The following BFSP1 variants were observed in gnomAD, a reference collection of about 807,000 sequenced individuals.
BFSP1 encodes filensin.
Under a neutral mutation model 43.9 loss-of-function variants are expected in BFSP1, and 38 were observed. The observed-to-expected ratio is 0.87, with a 90% CI of 0.67 to 1.14. The LOEUF is 1.14. Among genes scored for constraint, BFSP1 ranks in the 50% most tolerant of loss-of-function variants. The probability of loss-of-function intolerance (pLI) is 0.00; values close to 1 mark genes in which losing one functional copy is unlikely to be tolerated. For missense variants in BFSP1, 850 were observed against 875.1 expected, an observed-to-expected ratio of 0.97 and a Z score of 0.36; for synonymous variants, 352 against 354.8, an observed-to-expected ratio of 0.99 and a Z score of 0.09.
intron 2 of BFSP1, among the ~76,000 whole-genome samples, chr20:17,518,341 A>C (rs888372560): frequency 2.0e-5 from 3 of 152,162 alleles, no homozygotes; most frequent in African/African-American, 7.2e-5. Context: ...TTGACCTTTA[A>C]CGAGCTCTGC....
upstream of BFSP1, among the ~76,000 whole-genome samples, chr20:17,532,404 CAAAAAAA>C (rs531941557): frequency 1.6e-5 from 1 of 61,352 alleles, no homozygotes; most frequent in Non-Finnish European, 3.6e-5. Flanking sequence ...GACTCCGTCT[CAAAAAAA>C]AAAAAAAAAA....
intron 6 of BFSP1, among the ~76,000 whole-genome samples, chr20:17,497,314 CTTT>C (rs376185541): frequency 4.4e-4 from 67 of 151,790 alleles, no homozygotes; most frequent in Middle Eastern, 3.4e-3. Flanking sequence ...GAGACAGTGC[CTTT>C]TTTATTTTTT....
At chr20:17,541,752 T>C (rs531953442) in intron 1 of BFSP1, among the ~76,000 whole-genome samples, 53 of 152,202 alleles carry the variant, frequency 3.5e-4, no homozygotes, top group Non-Finnish European at 6.6e-4. Flanking sequence ...AGCATCCAAG[T>C]TGGATATGGG....
intron 1 of BFSP1, among the ~76,000 whole-genome samples, chr20:17,529,064 A>AGTGTGTGTGTGTGTGT (rs11473581): frequency 0.014 from 2,101 of 147,176 alleles, 40 homozygotes; most frequent in African/African-American, 0.05. Context: ...TGGTTAAATA[A>AGTGTGTGTGTGTGTGT]GTGTGTGTGT....
chr20:17,504,910 T>TTTTTGTTTTTG (rs148102331), intron 5 of BFSP1, among the ~76,000 whole-genome samples: 9 of 139,146 alleles, frequency 6.5e-5, no homozygotes, highest in Non-Finnish European at 1.4e-4. Context: ...GTAAGGTTTT[T>TTTTTGTTTTTG]TTTTTGTTTT....
At chr20:17,531,437 TG>T, upstream of BFSP1, 1 of 1,233,828 alleles carries the variant, frequency 8.1e-7, no homozygotes, top group Non-Finnish European at 1.0e-6. Context: ...GGCGCGCTGC[TG>T]GGACGTTCCA....
intron 1 of BFSP1, among the ~76,000 whole-genome samples, chr20:17,543,656 A>G (rs974943230): frequency 2.0e-5 from 3 of 152,232 alleles, no homozygotes; most frequent in Non-Finnish European, 4.4e-5. Flanking sequence ...GATAGGTTAC[A>G]AAAAATCTAT....
rs924409627 is a variant in BFSP1 at position 17,523,780 on chromosome 20, G to C, written c.438+1068C>G. 5.9e-5 allele frequency among the ~76,000 whole-genome samples: 9 copies of C among 151,854 alleles called. 1 individual carries two copies. Among genetic ancestry groups the C allele is most frequent in the Non-Finnish European group, 2.9e-5 (2 of 68,002 alleles). On this transcript the variant is annotated intron_variant, in intron 2 of 7. Transcript: ENST00000377873. ...ATCATACGTGCTCACGCGCAGAGGG[G>C]CAGGTAACATAGACAAAGCAAAATT...
chr20:17,542,502 G>A (rs1157307810), intron 1 of BFSP1, among the ~76,000 whole-genome samples: 1 of 152,012 alleles, frequency 6.6e-6, no homozygotes, highest in Non-Finnish European at 1.5e-5. Flanking sequence ...AGGAGGCTGA[G>A]GTGGGAGGAT....
chr20:17,539,105 C>CTTCTTT (rs34002192), intron 1 of BFSP1, among the ~76,000 whole-genome samples: 1,993 of 63,742 alleles, frequency 0.031, 206 homozygotes, highest in East Asian at 0.11. Flanking sequence ...ATTTCTTCTT[C>CTTCTTT]TTTTTTTTTT....
intron 5 of BFSP1, among the ~76,000 whole-genome samples, chr20:17,499,407 T>TTA (rs2033740060): frequency 2.8e-5 from 4 of 144,102 alleles, no homozygotes; most frequent in Admixed American, 6.9e-5. Flanking sequence ...GCTGGGCTTT[T>TTA]TTTTTTTTTT....
At chr20:17,537,440 C>G (rs2123552477) in intron 1 of BFSP1, among the ~76,000 whole-genome samples, 1 of 152,208 alleles carries the variant, frequency 6.6e-6, no homozygotes, top group East Asian at 1.9e-4. Context: ...CTCTCTCCAA[C>G]TAACTGCACA....
At chr20:17,495,091 C>T in intron 7 of BFSP1, 62 bp from the exon 8 acceptor site, 1 of 1,469,662 alleles carries the variant, frequency 6.8e-7, no homozygotes, top group Non-Finnish European at 9.2e-7. Context: ...AGAAAATACG[C>T]TGGTTGGAAA....
At chr20:17,534,423 C>T (rs147699063), upstream of BFSP1, among the ~76,000 whole-genome samples, 1,095 of 152,276 alleles carry the variant, frequency 7.2e-3, 17 homozygotes, top group East Asian at 0.019. Context: ...CCACACATCC[C>T]AGTTTGCCTA....
intron 1 of BFSP1, among the ~76,000 whole-genome samples, chr20:17,550,673 A>C (rs1452926720): frequency 6.6e-6 from 1 of 152,092 alleles, no homozygotes; most frequent in Non-Finnish European, 1.5e-5. Context: ...GGGTTTCACC[A>C]TGTTGGCCAG....
chr20:17,567,393 A>G (rs2035131398), intron 1 of BFSP1, among the ~76,000 whole-genome samples: 1 of 152,216 alleles, frequency 6.6e-6, no homozygotes, highest in African/African-American at 2.4e-5. Flanking sequence ...TCTGGTAGTA[A>G]TGGAAAATGC....
At chr20:17,528,001 C>G (rs570835903) in intron 1 of BFSP1, among the ~76,000 whole-genome samples, 1 of 152,236 alleles carries the variant, frequency 6.6e-6, no homozygotes, top group East Asian at 1.9e-4. Context: ...ATTCAACTGC[C>G]AGGTAGAGAC....
intron 1 of BFSP1, among the ~76,000 whole-genome samples, chr20:17,553,818 C>CATATAT (rs2034938034): frequency 4.2e-5 from 4 of 95,146 alleles, no homozygotes; most frequent in African/African-American, 5.9e-5. Context: ...CACACACACA[C>CATATAT]ACACACATAT....
At chr20:17,526,388 C>G (rs183909794) in intron 1 of BFSP1, among the ~76,000 whole-genome samples, 1 of 152,146 alleles carries the variant, frequency 6.6e-6, no homozygotes, top group African/African-American at 2.4e-5. Flanking sequence ...GAATTTGACA[C>G]GCCCAACTAC....
Sources: gnomAD v4.1 joint callset for allele counts (sites outside exome capture counted in the v4.1 genomes callset) on GRCh38, gnomAD v4.1.1 for gene constraint, MANE v1.5 for transcripts, NCBI Gene and HGNC (gene_info 2026-07-23, HGNC 2026-07-21) for gene names.